The following HEG1 variants were observed in gnomAD, a reference collection of about 807,000 sequenced individuals.
HEG1 encodes protein HEG homolog 1.
A neutral mutation model predicts 125.6 loss-of-function variants in HEG1; 56 were observed. The ratio of observed to expected loss-of-function variants is 0.45; its 90% CI spans 0.36 to 0.56. HEG1 has a LOEUF of 0.56. Ranked by LOEUF, HEG1 falls within the 20% of genes least tolerant of loss-of-function variation. HEG1 has a pLI of 0.00. For missense variants in HEG1, 1,523 were observed against 1,670.0 expected (o/e 0.91, Z 1.53); for synonymous variants, 644 against 668.5 (o/e 0.96, Z 0.57).
rs924943662 is a variant in HEG1 at position 124,970,512 on chromosome 3, G to A, written c.*140C>T. 2.7e-5 allele frequency: 18 copies of A among 675,230 alleles called. No individual in the cohort carries two copies. The highest frequency in any genetic ancestry group is 1.1e-4 in the Admixed American group (4 of 35,464). 41.8% of individuals were successfully genotyped at this position (675,230 alleles called of 1,614,324 possible). ...CACCTGTCTCCTCCACTGTGGTCACGCCCCGCATGCCTGTCCCTCTTCCTG... is the reference window on the plus strand; with the variant it reads ...CACCTGTCTCCTCCACTGTGGTCACACCCCGCATGCCTGTCCCTCTTCCTG... On this transcript the variant is annotated 3_prime_UTR_variant, in exon 17 of 17. Transcript: ENST00000311127.
chr3:125,010,515 T>G lies in HEG1; in HGVS notation c.2997A>C (p.Glu999Asp). The change falls in exon 7 of 17, where the codon GAA (glutamate) becomes GAC (aspartate). Residue 999 changes from glutamate (E) to aspartate (D), a missense_variant. Physicochemically the swap from Glu to Asp is conservative, Grantham distance 45. Coordinates refer to ENST00000311127, the MANE Select transcript of HEG1 (RefSeq NM_020733.2). Reference sequence around the variant, plus strand: ...CACGGCTGGTGTTGTCTGCGACGCATTCGCCATTGTGAAGACAAGGGTTCA... The same window carrying G: ...CACGGCTGGTGTTGTCTGCGACGCAGTCGCCATTGTGAAGACAAGGGTTCA... ...CAVNPCLHNG[E>D]CVADNTSRGY... is the part of the protein sequence containing the mutation. 6.4e-7 allele frequency: 1 copy of G among 1,559,926 alleles called. No homozygotes were observed. The highest frequency in any genetic ancestry group is 2.4e-5 in the East Asian group (1 of 41,760).
intron 14 of HEG1, among the ~76,000 whole-genome samples, chr3:124,989,100 T>C (rs564895023): frequency 6.6e-6 from 1 of 152,372 alleles, no homozygotes; most frequent in South Asian, 2.1e-4. Flanking sequence ...TAAATGGATA[T>C]GTAATTCCAA....
In HEG1 at chr3:124,973,873, A is replaced by T; in HGVS notation, c.3854T>A (p.Phe1285Tyr). The T allele has an allele frequency of 1.2e-6, 2 of 1,612,972 alleles. No individual in the cohort carries two copies. The highest frequency in any genetic ancestry group is 1.7e-6 in the Non-Finnish European group (2 of 1,179,298). The change falls in exon 16 of 17, where the codon TTC (phenylalanine) becomes TAC (tyrosine). Residue 1285 changes from phenylalanine to tyrosine, a missense_variant. Coordinates refer to ENST00000311127, the MANE Select transcript of HEG1 (RefSeq NM_020733.2). ...KNKNDISKLI[F>Y]KSGDFQMSPY... ...GGACATTTGGAAATCTCCACTTTTGAAGATGAGTTTGCTTATGTCATTTTT... is the reference window on the plus strand; with the variant it reads ...GGACATTTGGAAATCTCCACTTTTGTAGATGAGTTTGCTTATGTCATTTTT...
At chr3:124,974,731 T>G (rs954077559) in intron 15 of HEG1, among the ~76,000 whole-genome samples, 1 of 152,182 alleles carries the variant, frequency 6.6e-6, no homozygotes, top group Non-Finnish European at 1.5e-5. Context: ...ATCTGAAATC[T>G]TTTTCTTTCT....
At chr3:124,988,390 C>A (rs1281219370) in intron 14 of HEG1, among the ~76,000 whole-genome samples, 2 of 152,054 alleles carry the variant, frequency 1.3e-5, no homozygotes, top group African/African-American at 4.8e-5. Context: ...AGCATTGACA[C>A]CTAAAAAGAA....
intron 5 of HEG1, chr3:125,014,593 C>T (rs1270587727): frequency 5.9e-6 from 5 of 849,544 alleles, no homozygotes; most frequent in African/African-American, 1.8e-5. Flanking sequence ...AAGTTCTCTC[C>T]ATAAAGAGCT....
chr3:125,021,387 C>T (rs187819115), intron 3 of HEG1, among the ~76,000 whole-genome samples: 40 of 152,010 alleles, frequency 2.6e-4, no homozygotes, highest in Admixed American at 7.2e-4. Flanking sequence ...GAAGCTTATA[C>T]GTTGTTTGCA....
chr3:125,024,787 C>T (rs1024540599), intron 3 of HEG1, among the ~76,000 whole-genome samples: 2 of 152,304 alleles, frequency 1.3e-5, no homozygotes, highest in South Asian at 2.1e-4. Flanking sequence ...GCTGAATACA[C>T]GTGGAATCAT....
chr3:125,017,354 C>T (rs988409418), intron 5 of HEG1, among the ~76,000 whole-genome samples: 1 of 152,190 alleles, frequency 6.6e-6, no homozygotes, highest in Admixed American at 6.5e-5. Context: ...CACAGCCGGC[C>T]ATAAAGAACT....
chr3:125,009,855 C>T (rs1229811754), intron 7 of HEG1, 31 bp from the exon 8 acceptor site: 2 of 1,590,312 alleles, frequency 1.3e-6, no homozygotes, highest in African/African-American at 2.7e-5. Context: ...GAACATCTTG[C>T]ATCTGTAGCA....
intron 12 of HEG1, among the ~76,000 whole-genome samples, chr3:124,993,344 C>T (rs1375694704): frequency 6.6e-6 from 1 of 152,202 alleles, no homozygotes; most frequent in Non-Finnish European, 1.5e-5. Context: ...TCACTTTATG[C>T]CACAGGTAGA....
At chr3:125,025,168 A>T (rs960767151) in intron 3 of HEG1, among the ~76,000 whole-genome samples, 1 of 152,236 alleles carries the variant, frequency 6.6e-6, no homozygotes, top group African/African-American at 2.4e-5. Context: ...TTCAAGGGGA[A>T]GACTCTGGTT....
intron 1 of HEG1, among the ~76,000 whole-genome samples, chr3:125,046,708 G>C (rs1422120759): frequency 6.6e-6 from 1 of 152,212 alleles, no homozygotes; most frequent in Non-Finnish European, 1.5e-5. Context: ...GATGAAAGAT[G>C]CAGTAGATAG....
chr3:125,012,052 C>A (rs1387581386), intron 6 of HEG1, among the ~76,000 whole-genome samples: 1 of 152,148 alleles, frequency 6.6e-6, no homozygotes, highest in Non-Finnish European at 1.5e-5. Flanking sequence ...TCTCCCCACT[C>A]CCATTTATCA....
At chr3:125,003,131 G>T (rs1278217768) in intron 9 of HEG1, among the ~76,000 whole-genome samples, 1 of 152,164 alleles carries the variant, frequency 6.6e-6, no homozygotes, top group Non-Finnish European at 1.5e-5. Flanking sequence ...TATTATTGTT[G>T]TTTTATTATT....
At chr3:124,979,172 G>T (rs960523858) in intron 14 of HEG1, among the ~76,000 whole-genome samples, 1 of 151,928 alleles carries the variant, frequency 6.6e-6, no homozygotes, top group Non-Finnish European at 1.5e-5. Flanking sequence ...GACTGATCTC[G>T]AACTCCTAAC....
intron 14 of HEG1, among the ~76,000 whole-genome samples, chr3:124,981,051 C>G (rs1936641826): frequency 6.6e-6 from 1 of 151,664 alleles, no homozygotes; most frequent in Non-Finnish European, 1.5e-5. Context: ...GTTGTCCAGG[C>G]TGGTCTTGAA....
At chr3:125,053,310 T>C (rs1937856136) in intron 1 of HEG1, among the ~76,000 whole-genome samples, 1 of 152,236 alleles carries the variant, frequency 6.6e-6, no homozygotes, top group African/African-American at 2.4e-5. Flanking sequence ...ATCCTGGTTA[T>C]CAGAAAACTC....
chr3:125,048,856 G>C lies in HEG1; in HGVS notation c.316+6719C>G, dbSNP rs1399169609. ...TGTATTCTGGAAACAGGATCACCTG[G>C]AGTTGCCAAAAAAGAATCACGGTAG... On this transcript the variant is annotated intron_variant, in intron 1 of 16. Transcript: ENST00000311127. 7.2e-5 allele frequency among the ~76,000 whole-genome samples: 11 copies of C among 152,294 alleles called. No homozygotes were observed. In the East Asian group the frequency reaches 1.9e-3, roughly 27 times the overall value.
Sources: allele counts gnomAD v4.1 joint callset (sites outside exome capture counted in the v4.1 genomes callset), GRCh38; gene constraint gnomAD v4.1.1; transcripts MANE v1.5; gene names NCBI Gene and HGNC (gene_info 2026-07-23, HGNC 2026-07-21).